The following BLM variants were observed in gnomAD, a reference collection of about 807,000 sequenced individuals.
BLM encodes BLM RecQ like helicase.
Under a neutral mutation model 135.3 loss-of-function variants are expected in BLM, and 95 were observed. The ratio of observed to expected loss-of-function variants is 0.70; its 90% confidence interval spans 0.59 to 0.83. BLM has a LOEUF of 0.83. BLM is among the 40% of genes least tolerant of loss of function. The pLI is 0.00. For synonymous variants in BLM, 520 were observed against 589.2 expected (o/e 0.88, Z 1.70); for missense variants, 1,518 against 1,663.9 (o/e 0.91, Z 1.53).
At chr15:90,779,830 A>G (rs1310819510) in intron 12 of BLM, among the ~76,000 whole-genome samples, 1 of 152,188 alleles carries the variant, frequency 6.6e-6, no homozygotes, top group Non-Finnish European at 1.5e-5. Flanking sequence ...CCTTAACAGA[A>G]ATAAGTAAAA....
intron 1 of BLM, among the ~76,000 whole-genome samples, chr15:90,736,058 T>A (rs1388102418): frequency 6.6e-6 from 1 of 152,216 alleles, no homozygotes; most frequent in African/African-American, 2.4e-5. Context: ...AATTTAAAGC[T>A]GCACTGAAAT....
At position 90,749,576 on chromosome 15, in the gene BLM, G is replaced by A; in HGVS notation, c.308G>A (p.Gly103Glu). ...GCAGGACAGGAAACACAGAGAGGTG[G>A]ATCAAAATCATTATTGCCAGATTTC... The part of the protein sequence containing the change: ...APAGQETQRG[G>E]SKSLLPDFLQ... The change falls in exon 3 of 22, where the codon GGA (glycine) becomes GAA (glutamate). Residue 103 changes from glycine (G) to glutamate (E), a missense_variant. By Grantham distance (98) the Gly-to-Glu change is moderately conservative. Around this residue, in one of 5 missense-constraint regions of BLM, gnomAD observed 724 missense variants for 756.9 expected, o/e 0.96. Transcript: ENST00000355112. 1 of 1,614,136 alleles carries A rather than the reference G, an allele frequency of 6.2e-7. No homozygotes were observed. Among genetic ancestry groups the A allele is most frequent in the Non-Finnish European group, 8.5e-7 (1 of 1,180,024 alleles).
chr15:90,786,971 C>T (rs373706063), intron 14 of BLM, among the ~76,000 whole-genome samples: 5 of 148,398 alleles, frequency 3.4e-5, no homozygotes, highest in African/African-American at 1.0e-4. Flanking sequence ...CATCTGTTTC[C>T]GAGATGAGAA....
At chr15:90,732,171 A>G (rs928673237) in intron 1 of BLM, among the ~76,000 whole-genome samples, 3 of 152,198 alleles carry the variant, frequency 2.0e-5, no homozygotes, top group African/African-American at 7.2e-5. Flanking sequence ...AATACTCACT[A>G]TGATATCTTA....
chr15:90,772,107 T>C (rs887702885), intron 12 of BLM, among the ~76,000 whole-genome samples: 5 of 152,190 alleles, frequency 3.3e-5, no homozygotes, highest in African/African-American at 1.2e-4. Context: ...CATTTGGAAG[T>C]AGGAAATTTT....
chr15:90,774,165 C>T (rs1896407995), intron 12 of BLM, among the ~76,000 whole-genome samples: 1 of 150,244 alleles, frequency 6.7e-6, no homozygotes, highest in Non-Finnish European at 1.5e-5. Flanking sequence ...ACCTCCACCT[C>T]CTGGGTTCAA....
intron 20 of BLM, among the ~76,000 whole-genome samples, chr15:90,809,986 T>A (rs1418980129): frequency 6.6e-6 from 1 of 151,958 alleles, no homozygotes; most frequent in African/African-American, 2.4e-5. Context: ...TCTTCCTGCT[T>A]CCAGACAGGC....
chr15:90,808,641 T>G, intron 19 of BLM: 1 of 198,414 alleles, frequency 5.0e-6, no homozygotes, highest in Non-Finnish European at 1.0e-5. Context: ...TCAACCCACA[T>G]GGGGAAAGAG....
Position 90,790,966 on chromosome 15 carries a change from T to C in BLM, c.3019+122T>C. 8.4e-6 allele frequency: 8 copies of C among 957,478 alleles called. No homozygotes were observed. In the South Asian group the frequency reaches 1.2e-4, roughly 14 times the overall value. 59.3% of individuals were successfully genotyped at this position (957,478 alleles called of 1,614,324 possible). ...AAATAATCGTAGAAAAATAGAGGAG[T>C]TTATACAGATTGGCAATTTTATTTT... is the stretch of plus-strand genomic sequence containing the variant. On this transcript the variant is annotated intron_variant, in intron 15 of 21. Coordinates refer to ENST00000355112, the MANE Select transcript of BLM (RefSeq NM_000057.4).
At chr15:90,746,926 T>C (rs1895515928) in intron 1 of BLM, among the ~76,000 whole-genome samples, 1 of 152,264 alleles carries the variant, frequency 6.6e-6, no homozygotes, top group Middle Eastern at 3.4e-3. Flanking sequence ...GTGGTGGTGT[T>C]CCTCCTTTCC....
intron 1 of BLM, among the ~76,000 whole-genome samples, chr15:90,722,611 A>T (rs186163349): frequency 0.013 from 1,987 of 152,274 alleles, 14 homozygotes; most frequent in Non-Finnish European, 0.018. Context: ...AAAATAATTT[A>T]AAAAAAGTTA....
intron 1 of BLM, among the ~76,000 whole-genome samples, chr15:90,739,406 A>G (rs2151139017): frequency 6.6e-6 from 1 of 152,010 alleles, no homozygotes; most frequent in East Asian, 1.9e-4. Context: ...ATCTCAAAAA[A>G]TATTAATAAT....
chr15:90,778,903 T>TTTTTTTTTTTTTTTC (rs1484776686), intron 12 of BLM, among the ~76,000 whole-genome samples: 1 of 150,990 alleles, frequency 6.6e-6, no homozygotes, highest in East Asian at 1.9e-4. Flanking sequence ...TTTTTTTTTT[T>TTTTTTTTTTTTTTTC]GAGACGGAGT....
intron 1 of BLM, among the ~76,000 whole-genome samples, chr15:90,740,814 T>G (rs1253708821): frequency 6.6e-6 from 1 of 152,318 alleles, no homozygotes; most frequent in Non-Finnish European, 1.5e-5. Context: ...TGCACACACT[T>G]TCTTGCCTGC....
chr15:90,732,641 A>G (rs1405103188), intron 1 of BLM, among the ~76,000 whole-genome samples: 1 of 151,926 alleles, frequency 6.6e-6, no homozygotes, highest in African/African-American at 2.4e-5. Flanking sequence ...TATAATCTTC[A>G]GTACATATTA....
intron 2 of BLM, among the ~76,000 whole-genome samples, chr15:90,748,397 C>T (rs1197575351): frequency 6.6e-6 from 1 of 152,072 alleles, no homozygotes; most frequent in Admixed American, 6.5e-5. Context: ...CGTGAGCCAC[C>T]ACGCCCGGCC....
chr15:90,789,325 T>C (rs1896840324), intron 14 of BLM, among the ~76,000 whole-genome samples: 1 of 152,156 alleles, frequency 6.6e-6, no homozygotes, highest in African/African-American at 2.4e-5. Context: ...TTTCAAGAAA[T>C]AAGAGCTTTC....
chr15:90,717,425 G>C lies in BLM; in HGVS notation c.-20G>C, dbSNP rs1397540162. On this transcript the variant is annotated 5_prime_UTR_variant, in exon 1 of 22. Coordinates refer to ENST00000355112, the MANE Select transcript of BLM (RefSeq NM_000057.4). ...GTTTGGATCCTGGTTCCGTCCGCTAGGAGTCTGCGTGCGAGGTGAGTACCG... is the reference window on the plus strand; with the variant it reads ...GTTTGGATCCTGGTTCCGTCCGCTACGAGTCTGCGTGCGAGGTGAGTACCG... The C allele has an allele frequency of 6.6e-6, 1 of 152,358 alleles. No individual in the cohort carries two copies. The highest frequency in any genetic ancestry group is 1.5e-5 in the Non-Finnish European group (1 of 68,120). 9.4% of individuals were successfully genotyped at this position (152,358 alleles called of 1,614,324 possible). A position where few individuals can be genotyped will look rare whatever the true frequency, so the allele number is the denominator to read the frequency against.
rs1894730491 is a variant in BLM, at chr15:90,720,264, G to A, written c.-5+2824G>A. The stretch of plus-strand genomic sequence containing the variant: ...TGATGCCTGGCACAGAGTAGTCACT[G>A]TAGATATTAGCTGAATGAAAAATAC... On this transcript the variant is annotated intron_variant, in intron 1 of 21. Coordinates refer to ENST00000355112, the MANE Select transcript of BLM (RefSeq NM_000057.4). Among the ~76,000 whole-genome samples, 5 of 152,140 alleles carry A rather than the reference G, an allele frequency of 3.3e-5. No homozygotes were observed. In the South Asian group the frequency reaches 1.0e-3, roughly 31 times the overall value.
Sources: gnomAD v4.1 joint callset for allele counts (sites outside exome capture counted in the v4.1 genomes callset) on GRCh38, gnomAD v4.1.1 for gene constraint, gnomAD v4.1.1 regional missense constraint, MANE v1.5 for transcripts, NCBI Gene and HGNC (gene_info 2026-07-23, HGNC 2026-07-21) for gene names.